GNG7: variants seen among roughly 807,000 people sequenced by gnomAD.
GNG7 encodes guanine nucleotide-binding protein G(I)/G(S)/G(O) subunit gamma-7.
A neutral mutation model predicts 4.0 loss-of-function variants in GNG7; 1 was observed. The observed-to-expected ratio is 0.25, with a 90% CI of 0.09 to 1.18. The LOEUF is 1.18. Among genes scored for constraint, GNG7 ranks in the 50% most tolerant of loss-of-function variants. The probability of loss-of-function intolerance (pLI) is 0.50; values close to 1 mark genes in which losing one functional copy is unlikely to be tolerated. For synonymous variants in GNG7, 34 were observed against 36.9 expected (o/e 0.92, Z 0.29); for missense variants, 86 against 91.9 (o/e 0.94, Z 0.26).
chr19:2,609,380 G>T lies in GNG7; in HGVS notation c.-78+36844C>A, dbSNP rs781155416. Among the ~76,000 whole-genome samples the T allele has an allele frequency of 2.6e-5, 4 of 151,950 alleles. No homozygotes were observed. Among genetic ancestry groups the T allele is most frequent in the Non-Finnish European group, 5.9e-5 (4 of 68,002 alleles). Reference sequence around the variant, plus strand: ...ATCTTGGTCGCTGAGGTTTTTTAGCGCCCCCTTCAATTTTGTGCCCAGTGT... The same window carrying T: ...ATCTTGGTCGCTGAGGTTTTTTAGCTCCCCCTTCAATTTTGTGCCCAGTGT... On this transcript the variant is annotated intron_variant, in intron 2 of 4. Transcript: ENST00000382159. The surrounding 1 kb of genome is among the most constrained non-coding windows in gnomAD (Gnocchi z 4.4).
At chr19:2,558,031 G>T (rs745703937) in intron 2 of GNG7, among the ~76,000 whole-genome samples, 5 of 152,028 alleles carry the variant, frequency 3.3e-5, no homozygotes, top group Admixed American at 6.6e-5. Flanking sequence ...TTAGTAGAGA[G>T]GGGGTTTCAC....
intron 1 of GNG7, among the ~76,000 whole-genome samples, chr19:2,684,573 G>A (rs1983825472): frequency 6.6e-6 from 1 of 152,180 alleles, no homozygotes. Context: ...CCTGACACAG[G>A]CCACGATGAG....
chr19:2,575,993 GCT>G (rs1980323893), intron 2 of GNG7, among the ~76,000 whole-genome samples: 1 of 86,566 alleles, frequency 1.2e-5, no homozygotes, highest in African/African-American at 7.6e-5. Context: ...ACACACACAT[GCT>G]CACACTCAGG....
At chr19:2,538,332 T>A (rs950948454) in intron 3 of GNG7, 3 of 453,942 alleles carry the variant, frequency 6.6e-6, no homozygotes, top group Non-Finnish European at 1.3e-5. Context: ...AAAGCATGCG[T>A]CAGGCCATCA....
At chr19:2,577,810 A>C (rs1980387470) in intron 2 of GNG7, among the ~76,000 whole-genome samples, 1 of 151,644 alleles carries the variant, frequency 6.6e-6, no homozygotes, top group Non-Finnish European at 1.5e-5. Context: ...AAAATGTAGA[A>C]CATCCCTATA....
chr19:2,644,382 A>ATATATATATATATATAG (rs1568272569), intron 2 of GNG7, among the ~76,000 whole-genome samples: 1 of 109,160 alleles, frequency 9.2e-6, no homozygotes, highest in African/African-American at 4.2e-5. Flanking sequence ...TATATATATA[A>ATATATATATATATATAG]TGCTCTATCT....
intron 2 of GNG7, among the ~76,000 whole-genome samples, chr19:2,615,848 C>A (rs1257577921): frequency 6.6e-6 from 1 of 152,238 alleles, no homozygotes; most frequent in East Asian, 1.9e-4. Context: ...AGCAGCAAGG[C>A]GGAGGAGGCA....
At chr19:2,661,947 C>T (rs1983191228) in intron 1 of GNG7, among the ~76,000 whole-genome samples, 2 of 152,126 alleles carry the variant, frequency 1.3e-5, no homozygotes, top group South Asian at 4.1e-4. Flanking sequence ...ATTGCTTTTC[C>T]TCTTGCTCTC....
intron 2 of GNG7, among the ~76,000 whole-genome samples, chr19:2,604,011 C>T (rs1232810117): frequency 6.6e-6 from 1 of 151,918 alleles, no homozygotes; most frequent in Non-Finnish European, 1.5e-5. Context: ...CCACCACGCC[C>T]CGCTAATTTT....
chr19:2,676,839 T>A (rs1216579496), intron 1 of GNG7, among the ~76,000 whole-genome samples: 1 of 152,020 alleles, frequency 6.6e-6, no homozygotes, highest in Non-Finnish European at 1.5e-5. Context: ...GGTGCAAGAC[T>A]CAAAGAGATG....
At chr19:2,602,737 C>A (rs761225077) in intron 2 of GNG7, among the ~76,000 whole-genome samples, 2 of 152,166 alleles carry the variant, frequency 1.3e-5, no homozygotes, top group Non-Finnish European at 2.9e-5. Context: ...GGGCAGAGGG[C>A]CACCCGGCCC....
At position 2,609,730 on chromosome 19, in the gene GNG7, C is replaced by T. The variant is rs891237507; in HGVS notation, c.-78+36494G>A. ...GTGGCTTGAGGTTACAGAGCCCCAG[C>T]AAACCATCACGCTGGGTTAAAGGAA... On this transcript the variant is annotated intron_variant, in intron 2 of 4. Transcript: ENST00000382159. The surrounding 1 kb of genome is among the most constrained non-coding windows in gnomAD (Gnocchi z 4.4). Among the ~76,000 whole-genome samples the T allele has an allele frequency of 1.3e-5, 2 of 152,120 alleles. No individual in the cohort carries two copies. The highest frequency in any genetic ancestry group is 4.8e-5 in the African/African-American group (2 of 41,424).
chr19:2,696,190 GAGAGGGGA>G (rs1913242440), intron 1 of GNG7, among the ~76,000 whole-genome samples: 1 of 123,380 alleles, frequency 8.1e-6, no homozygotes, highest in Non-Finnish European at 1.9e-5. Context: ...AGAGAGGAGA[GAGAGGGGA>G]GAGAGGGGAG....
chr19:2,619,797 A>G (rs1981817578), intron 2 of GNG7, among the ~76,000 whole-genome samples: 1 of 151,958 alleles, frequency 6.6e-6, no homozygotes, highest in Admixed American at 6.6e-5. Flanking sequence ...CATGGGGGAC[A>G]GGGCTTCTTT....
intron 3 of GNG7, among the ~76,000 whole-genome samples, chr19:2,541,423 C>G (rs1247625097): frequency 6.6e-6 from 1 of 151,604 alleles, no homozygotes; most frequent in South Asian, 2.1e-4. Context: ...GGCAATACAG[C>G]GAGACCCTGC....
intron 2 of GNG7, chr19:2,632,456 A>G (rs1288545494): frequency 6.8e-6 from 1 of 146,340 alleles, no homozygotes; most frequent in Non-Finnish European, 1.5e-5. Flanking sequence ...AAAAAACCCA[A>G]CCTGCTATAA....
chr19:2,569,560 T>C (rs1359530363), intron 2 of GNG7, among the ~76,000 whole-genome samples: 2 of 151,974 alleles, frequency 1.3e-5, no homozygotes, highest in East Asian at 1.9e-4. Flanking sequence ...CAGGCGTGAG[T>C]CACCGCACCT....
chr19:2,664,117 G>A (rs2144882080), intron 1 of GNG7, among the ~76,000 whole-genome samples: 1 of 152,314 alleles, frequency 6.6e-6, no homozygotes, highest in Admixed American at 6.5e-5. Flanking sequence ...AGGCCCGGCT[G>A]CACTTCCTCC....
intron 2 of GNG7, among the ~76,000 whole-genome samples, chr19:2,602,461 C>A (rs372473640): frequency 6.6e-6 from 1 of 152,196 alleles, no homozygotes; most frequent in Non-Finnish European, 1.5e-5. Context: ...CCCTTCAGGG[C>A]GCTGGGGAGG....
Sources: gnomAD v4.1 joint callset for allele counts (sites outside exome capture counted in the v4.1 genomes callset) on GRCh38, gnomAD v4.1.1 for gene constraint, Gnocchi (gnomAD v3.1) non-coding constraint, MANE v1.5 for transcripts, NCBI Gene and HGNC (gene_info 2026-07-23, HGNC 2026-07-21) for gene names.